Variants in B3GALT1 observed in about 807,000 individuals in gnomAD.
The protein encoded by B3GALT1 is beta-1,3-galactosyltransferase 1.
Under a neutral mutation model 23.2 loss-of-function variants are expected in B3GALT1, and 10 were observed. The observed-to-expected ratio is 0.43, with a 90% confidence interval of 0.27 to 0.73. The LOEUF is 0.73. B3GALT1 is among the 30% of genes least tolerant of loss of function. B3GALT1 has a pLI of 0.21. For synonymous variants in B3GALT1, 156 were observed against 141.5 expected (o/e 1.10, Z -0.73); for missense variants, 299 against 405.4 (o/e 0.74, Z 2.25).
At chr2:167,672,641 T>C (rs1686351936) in intron 3 of B3GALT1, among the ~76,000 whole-genome samples, 1 of 152,148 alleles carries the variant, frequency 6.6e-6, no homozygotes. Flanking sequence ...ACTTCACTCA[T>C]AAAGTAGAGA....
intron 3 of B3GALT1, among the ~76,000 whole-genome samples, chr2:167,720,365 T>C (rs1210002265): frequency 6.6e-6 from 1 of 152,176 alleles, no homozygotes; most frequent in East Asian, 1.9e-4. Context: ...AACATTCCAT[T>C]ATCTGTCTGC....
intron 3 of B3GALT1, among the ~76,000 whole-genome samples, chr2:167,689,864 G>C (rs991704717): frequency 2.6e-5 from 4 of 152,104 alleles, no homozygotes; most frequent in African/African-American, 4.8e-5. Context: ...GTTTTGTTAA[G>C]GACTGTGCCA....
At chr2:167,649,502 T>A (rs1396437226) in intron 3 of B3GALT1, among the ~76,000 whole-genome samples, 1 of 152,086 alleles carries the variant, frequency 6.6e-6, no homozygotes, top group African/African-American at 2.4e-5. Context: ...TAATCTGATT[T>A]CTAAGAATTT....
At chr2:167,745,008 G>A (rs1687631829) in intron 3 of B3GALT1, among the ~76,000 whole-genome samples, 2 of 151,712 alleles carry the variant, frequency 1.3e-5, no homozygotes, top group Admixed American at 1.3e-4. Flanking sequence ...TAATATACTT[G>A]GACTTATTTG....
chr2:167,721,553 C>T (rs966837123), intron 3 of B3GALT1, among the ~76,000 whole-genome samples: 2 of 152,062 alleles, frequency 1.3e-5, no homozygotes, highest in African/African-American at 4.8e-5. Flanking sequence ...GGAACAAGAA[C>T]ACAGACACCA....
At chr2:167,777,849 C>T (rs1688187285) in intron 3 of B3GALT1, among the ~76,000 whole-genome samples, 1 of 152,022 alleles carries the variant, frequency 6.6e-6, no homozygotes, top group Non-Finnish European at 1.5e-5. Flanking sequence ...CAGTGATTCT[C>T]AACAAATAAT....
rs1010715618 is a variant in B3GALT1 at position 167,716,069 on chromosome 2, G to A, written c.-352+69103G>A. 1.3e-4 allele frequency: 197 copies of A among 1,571,750 alleles called. No individual in the cohort carries two copies. In the African/African-American group the frequency reaches 1.7e-3, roughly 14 times the overall value. ...CGGTAGCGCCGGGCTCCTCCATAGC[G>A]CCAAGCTGCTCTGGCGGTCACCGCA... is the stretch of plus-strand genomic sequence containing the variant. On this transcript the variant is annotated intron_variant, in intron 3 of 4. Transcript: ENST00000392690.
At chr2:167,616,393 C>G (rs1482715670) in intron 2 of B3GALT1, among the ~76,000 whole-genome samples, 2 of 151,934 alleles carry the variant, frequency 1.3e-5, no homozygotes, top group Admixed American at 6.6e-5. Flanking sequence ...ATCTGTGTCT[C>G]TGTAGGAAAA....
chr2:167,693,593 GAA>G (rs1215190027), intron 3 of B3GALT1, among the ~76,000 whole-genome samples: 2 of 152,074 alleles, frequency 1.3e-5, no homozygotes, highest in Non-Finnish European at 2.9e-5. Context: ...TAGGAAAAAA[GAA>G]AGAAAATGCC....
intron 1 of B3GALT1, among the ~76,000 whole-genome samples, chr2:167,464,778 T>C (rs1483648692): frequency 6.6e-6 from 1 of 152,186 alleles, no homozygotes; most frequent in Non-Finnish European, 1.5e-5. Flanking sequence ...CTGAGTGCAA[T>C]GAATGAAGTT....
intron 2 of B3GALT1, among the ~76,000 whole-genome samples, chr2:167,540,923 C>A (rs553843059): frequency 1.5e-4 from 23 of 152,254 alleles, no homozygotes; most frequent in African/African-American, 5.3e-4. Context: ...CACTTTCCAA[C>A]CTTGGCACAT....
intron 2 of B3GALT1, among the ~76,000 whole-genome samples, chr2:167,505,397 T>A (rs1699903972): frequency 6.6e-6 from 1 of 152,172 alleles, no homozygotes; most frequent in African/African-American, 2.4e-5. Flanking sequence ...AACAATAGAC[T>A]TGTGTGAAGC....
chr2:167,446,440 A>G (rs535766611), intron 1 of B3GALT1, among the ~76,000 whole-genome samples: 50 of 152,264 alleles, frequency 3.3e-4, no homozygotes, highest in Admixed American at 9.2e-4. Flanking sequence ...GTTCTCCTGG[A>G]TAATATCGTG....
chr2:167,871,916 T>G lies in B3GALT1; in HGVS notation c.*1896T>G, dbSNP rs1313269961. On this transcript the variant is annotated 3_prime_UTR_variant, in exon 5 of 5. Coordinates refer to ENST00000392690, the MANE Select transcript of B3GALT1 (RefSeq NM_020981.4). ...CTTTTTTTTTTTTTTTTTTTTTTTTTTTTGAGACGGAGTCTAGCTCTGTGG... is the reference window on the plus strand; with the variant it reads ...CTTTTTTTTTTTTTTTTTTTTTTTTGTTTGAGACGGAGTCTAGCTCTGTGG... 7.0e-6 allele frequency: 1 copy of G among 142,130 alleles called. No homozygotes were observed. Among genetic ancestry groups the G allele is most frequent in the Non-Finnish European group, 1.5e-5 (1 of 65,226 alleles). The allele number at this position is 142,130 out of a possible 1,614,324, so 8.8% of individuals were successfully genotyped here.
At chr2:167,388,429 G>A (rs1254396330) in intron 1 of B3GALT1, among the ~76,000 whole-genome samples, 1 of 152,158 alleles carries the variant, frequency 6.6e-6, no homozygotes, top group African/African-American at 2.4e-5. Context: ...AAGGCTCCTG[G>A]AGGTTCAGGG....
chr2:167,402,546 A>G (rs1341352530), intron 1 of B3GALT1, among the ~76,000 whole-genome samples: 1 of 152,180 alleles, frequency 6.6e-6, no homozygotes, highest in Non-Finnish European at 1.5e-5. Context: ...TGCACTAGGT[A>G]CTTTCTTAGT....
intron 2 of B3GALT1, among the ~76,000 whole-genome samples, chr2:167,525,898 G>C (rs1308385372): frequency 2.0e-5 from 3 of 151,998 alleles, no homozygotes; most frequent in Admixed American, 1.3e-4. Flanking sequence ...TGAGATTACA[G>C]GTGTGAGCCA....
chr2:167,329,775 G>A (rs74562166), intron 1 of B3GALT1, among the ~76,000 whole-genome samples: 6,009 of 150,920 alleles, frequency 0.04, 180 homozygotes, highest in East Asian at 0.11. Context: ...GAATAATTTT[G>A]CTGGATATAG....
chr2:167,772,645 G>C (rs1688092148), intron 3 of B3GALT1, among the ~76,000 whole-genome samples: 1 of 152,160 alleles, frequency 6.6e-6, no homozygotes, highest in African/African-American at 2.4e-5. Context: ...TGCAGCACAA[G>C]GCCTTTTGAT....
Sources: gnomAD v4.1 joint callset for allele counts (sites outside exome capture counted in the v4.1 genomes callset) on GRCh38, gnomAD v4.1.1 for gene constraint, MANE v1.5 for transcripts, NCBI Gene and HGNC (gene_info 2026-07-23, HGNC 2026-07-21) for gene names.